Variants in LINGO2 observed in about 807,000 individuals in gnomAD.
LINGO2 encodes the protein leucine-rich repeat and immunoglobulin-like domain-containing nogo receptor-interacting protein 2.
In LINGO2, 14 loss-of-function variants were observed where a neutral mutation model predicts 30.6. The observed-to-expected ratio is 0.46, with a 90% CI of 0.30 to 0.72. The LOEUF (loss-of-function observed/expected upper bound fraction) is 0.72. Among genes scored for constraint, LINGO2 ranks in the 30% least tolerant of loss-of-function variants. LINGO2 has a pLI of 0.07. For synonymous variants in LINGO2, 317 were observed against 288.5 expected (o/e 1.10, Z -1.00); for missense variants, 729 against 751.7 (o/e 0.97, Z 0.35).
At chr9:28,491,515 T>C (rs189553784) in intron 1 of LINGO2, among the ~76,000 whole-genome samples, 1 of 152,370 alleles carries the variant, frequency 6.6e-6, no homozygotes, top group East Asian at 1.9e-4. Flanking sequence ...TCACCAGTTT[T>C]CTGCCTACCA....
the LINGO2 span, among the ~76,000 whole-genome samples, chr9:29,009,462 C>A: frequency 4.6e-5 from 7 of 152,072 alleles, no homozygotes; most frequent in Non-Finnish European, 8.8e-5. Context: ...AACTAGGAAT[C>A]CAACTTACAA....
intron 4 of LINGO2, among the ~76,000 whole-genome samples, chr9:28,036,274 T>G (rs1823930640): frequency 6.6e-6 from 1 of 152,188 alleles, no homozygotes; most frequent in Non-Finnish European, 1.5e-5. Flanking sequence ...GTTCACAATC[T>G]TGTTACCAAT....
the LINGO2 span, among the ~76,000 whole-genome samples, chr9:28,699,997 T>C: frequency 1.3e-5 from 2 of 152,068 alleles, no homozygotes; most frequent in African/African-American, 4.8e-5. Flanking sequence ...GATTTTGCCC[T>C]GGCCCTGTTT....
At chr9:28,632,720 CTATATATAGATCTATATATT>C (rs1193303526) in intron 1 of LINGO2, among the ~76,000 whole-genome samples, 4 of 125,618 alleles carry the variant, frequency 3.2e-5, no homozygotes, top group Non-Finnish European at 6.6e-5. Flanking sequence ...ATATATAGAT[CTATATATAGATCTATATATT>C]TATATATAGA....
rs112182078 is a variant in LINGO2 at position 28,024,988 on chromosome 9, C to T, written c.-86-12583G>A. Among the ~76,000 whole-genome samples the T allele has an allele frequency of 4.9e-3, 750 of 152,202 alleles. 5 individuals carry two copies. Among genetic ancestry groups the T allele is most frequent in the African/African-American group, 0.017 (694 of 41,524 alleles). ...TTTGTTTTGCTGCCTAGCACCCGGGCGAGATCATTGTTTATTATGGCTCAA... is the reference window on the plus strand; with the variant it reads ...TTTGTTTTGCTGCCTAGCACCCGGGTGAGATCATTGTTTATTATGGCTCAA... On this transcript the variant is annotated intron_variant, in intron 4 of 5. Transcript: ENST00000379992.
At chr9:28,041,331 T>C (rs1029427075) in intron 4 of LINGO2, among the ~76,000 whole-genome samples, 2 of 152,200 alleles carry the variant, frequency 1.3e-5, no homozygotes, top group Non-Finnish European at 2.9e-5. Flanking sequence ...GTGCAGTAGA[T>C]AGACTGGCTG....
At chr9:29,127,780 G>A in the LINGO2 span, among the ~76,000 whole-genome samples, 72 of 152,218 alleles carry the variant, frequency 4.7e-4, no homozygotes, top group African/African-American at 1.6e-3. Context: ...TGTCTTTCCT[G>A]GTTATAGTCC....
chr9:28,656,706 A>C (rs1828361526), intron 1 of LINGO2, among the ~76,000 whole-genome samples: 1 of 152,102 alleles, frequency 6.6e-6, no homozygotes, highest in Non-Finnish European at 1.5e-5. Context: ...AAATTTGAAA[A>C]AATGTCTACG....
the LINGO2 span, among the ~76,000 whole-genome samples, chr9:28,758,990 G>C: frequency 6.6e-6 from 1 of 151,960 alleles, no homozygotes; most frequent in African/African-American, 2.4e-5. Context: ...AGCATGTGTA[G>C]TTTCCCTTAG....
the LINGO2 span, among the ~76,000 whole-genome samples, chr9:29,020,691 G>C: frequency 1.3e-5 from 2 of 152,088 alleles, no homozygotes; most frequent in Non-Finnish European, 1.5e-5. Flanking sequence ...CGACTGCATA[G>C]AGAACTAAGA....
chr9:28,609,589 A>G (rs957724852), intron 1 of LINGO2, among the ~76,000 whole-genome samples: 3 of 152,066 alleles, frequency 2.0e-5, no homozygotes, highest in African/African-American at 7.2e-5. Context: ...AATAAAATAT[A>G]GATATACACA....
the LINGO2 span, among the ~76,000 whole-genome samples, chr9:28,814,447 TA>T: frequency 5.9e-5 from 9 of 151,814 alleles, no homozygotes; most frequent in African/African-American, 1.7e-4. Context: ...AACAAACGAA[TA>T]AAAAAAATAA....
chr9:28,189,469 A>G (rs1180988058), intron 4 of LINGO2, among the ~76,000 whole-genome samples: 1 of 62,802 alleles, frequency 1.6e-5, no homozygotes, highest in Non-Finnish European at 2.8e-5. Flanking sequence ...GGGAGGGAGG[A>G]AGGAAGGGAG....
At chr9:28,067,014 G>C (rs1475695075) in intron 4 of LINGO2, among the ~76,000 whole-genome samples, 1 of 151,822 alleles carries the variant, frequency 6.6e-6, no homozygotes, top group African/African-American at 2.4e-5. Context: ...TATAATTTAG[G>C]CCTCTCTACT....
chr9:29,076,385 ATAAT>A, the LINGO2 span, among the ~76,000 whole-genome samples: 1 of 151,798 alleles, frequency 6.6e-6, no homozygotes, highest in Non-Finnish European at 1.5e-5. Context: ...TGTTATTAAC[ATAAT>A]TTTGATAGGA....
chr9:28,549,898 A>C (rs1465575305), intron 1 of LINGO2, among the ~76,000 whole-genome samples: 1 of 151,790 alleles, frequency 6.6e-6, no homozygotes, highest in Non-Finnish European at 1.5e-5. Context: ...ATAATAATTT[A>C]ACAGGACATA....
In LINGO2 at chr9:28,189,319, GGA is replaced by G. The variant is rs1477747645; in HGVS notation, c.-87+105887_-87+105888del. ...AGGAAGGAAGGGAGGAAGGAAGGAA[GGA>G]AGGGAGGGAGGAAGGAAGGAAGGGA... On this transcript the variant is annotated intron_variant, in intron 4 of 5. Coordinates refer to ENST00000379992, the Ensembl canonical transcript of LINGO2. Among the ~76,000 whole-genome samples, 32 of 82,282 alleles carry G rather than the reference GGA, an allele frequency of 3.9e-4. 1 individual carries two copies. The highest frequency in any genetic ancestry group is 1.5e-3 in the African/African-American group (29 of 19,388). The allele number at this position is 82,282 out of a possible 152,430, so 54.0% of individuals were successfully genotyped here.
At chr9:28,395,432 T>C (rs1380852026) in intron 2 of LINGO2, among the ~76,000 whole-genome samples, 1 of 152,144 alleles carries the variant, frequency 6.6e-6, no homozygotes, top group African/African-American at 2.4e-5. Context: ...ATGTATTCGT[T>C]GCCAAGAAGA....
At chr9:28,210,905 T>A (rs1320225147) in intron 4 of LINGO2, among the ~76,000 whole-genome samples, 1 of 151,638 alleles carries the variant, frequency 6.6e-6, no homozygotes, top group Non-Finnish European at 1.5e-5. Context: ...AAGACTATCA[T>A]GAAGCCTATA....
Sources: gnomAD v4.1 joint callset for allele counts (sites outside exome capture counted in the v4.1 genomes callset) on GRCh38, gnomAD v4.1.1 for gene constraint, MANE v1.5 for transcripts, NCBI Gene and HGNC (gene_info 2026-07-23, HGNC 2026-07-21) for gene names.